The following CACNA1C variants were observed in gnomAD, a reference collection of about 807,000 sequenced individuals.
The protein encoded by CACNA1C is calcium voltage-gated channel subunit alpha1 C, also known as voltage-dependent L-type calcium channel subunit alpha-1C.
Under a neutral mutation model 229.0 loss-of-function variants are expected in CACNA1C, and 30 were observed. That is an observed-to-expected ratio of 0.13 (90% CI 0.10 to 0.18). The LOEUF is 0.18. CACNA1C is among the 10% of genes least tolerant of loss of function. CACNA1C has a pLI of 1.00. For synonymous variants in CACNA1C, 1,114 were observed against 1,132.5 expected, an observed-to-expected ratio of 0.98 and a Z score of 0.33; for missense variants, 1,658 against 2,845.0, an observed-to-expected ratio of 0.58 and a Z score of 9.49.
chr12:2,074,206 TC>T (rs2062362008), intron 1 of CACNA1C, among the ~76,000 whole-genome samples: 1 of 152,188 alleles, frequency 6.6e-6, no homozygotes, highest in Admixed American at 6.5e-5. Flanking sequence ...ATTATATTCT[TC>T]CCTTTTTATT....
At position 2,584,457 on chromosome 12, in the gene CACNA1C, A is replaced by G. The variant is rs368060177; in HGVS notation, c.2225-46A>G. On this transcript the variant is annotated intron_variant, in intron 15 of 46. Transcript: ENST00000399655. ...ATCCCCCGTGCCCCTGTGCCCACCAAAACCCCAAACCAAGGGTCATTTTCT... is the reference window on the plus strand; with the variant it reads ...ATCCCCCGTGCCCCTGTGCCCACCAGAACCCCAAACCAAGGGTCATTTTCT... The G allele has an allele frequency of 1.1e-4, 161 of 1,483,670 alleles. 1 individual carries two copies. The highest frequency in any genetic ancestry group is 8.6e-4 in the Middle Eastern group (5 of 5,802). 91.9% of individuals were successfully genotyped at this position (1,483,670 alleles called of 1,614,324 possible).
At chr12:2,327,306 C>T (rs2096355426) in intron 3 of CACNA1C, among the ~76,000 whole-genome samples, 1 of 152,256 alleles carries the variant, frequency 6.6e-6, no homozygotes, top group African/African-American at 2.4e-5. Context: ...TGTACGTATA[C>T]TTCCTTTGCA....
At chr12:2,352,849 T>A (rs2097246426) in intron 3 of CACNA1C, among the ~76,000 whole-genome samples, 1 of 152,140 alleles carries the variant, frequency 6.6e-6, no homozygotes, top group South Asian at 2.1e-4. Context: ...TGACCTCCAG[T>A]GTTGCCAATC....
chr12:2,003,555 T>C (rs1216699500), intron 1 of CACNA1C, among the ~76,000 whole-genome samples: 1 of 152,230 alleles, frequency 6.6e-6, no homozygotes, highest in African/African-American at 2.4e-5. Flanking sequence ...TCTAGGCTTC[T>C]ACCCCATTCT....
At position 2,493,229 on chromosome 12, in the gene CACNA1C, A is replaced by G; in HGVS notation, c.956A>G (p.Glu319Gly). The change falls in exon 7 of 47, where the codon GAA (glutamate) becomes GGA (glycine). Residue 319 changes from glutamate (E) to glycine (G), a missense_variant. Physicochemically the swap from Glu to Gly is moderately conservative, Grantham distance 98. Around this residue, in one of 20 missense-constraint regions of CACNA1C, gnomAD observed 84 missense variants for 202.6 expected, o/e 0.41. Transcript: ENST00000399655. This position sits in a 1 kb window ranked among gnomAD's most constrained non-coding sequence, Gnocchi z 4.6. The stretch of plus-strand genomic sequence containing the variant: ...GATGACCCTTCCCCTTGTGCGCTGG[A>G]AACGGGCCACGGGCGGCAGTGCCAG... ...AEDDPSPCALETGHGRQCQNG... is the reference protein window; with the variant it reads ...AEDDPSPCALGTGHGRQCQNG... 6.2e-7 allele frequency: 1 copy of G among 1,614,010 alleles called. No homozygotes were observed. Among genetic ancestry groups the G allele is most frequent in the Non-Finnish European group, 8.5e-7 (1 of 1,179,890 alleles).
chr12:2,005,651 G>T (rs148199122), intron 1 of CACNA1C, among the ~76,000 whole-genome samples: 1 of 152,068 alleles, frequency 6.6e-6, no homozygotes, highest in African/African-American at 2.4e-5. Flanking sequence ...ATTAATGAGC[G>T]CAATTTTAAC....
At chr12:2,116,227 CT>C (rs1396146767) in intron 2 of CACNA1C, among the ~76,000 whole-genome samples, 3 of 152,210 alleles carry the variant, frequency 2.0e-5, no homozygotes, top group Non-Finnish European at 4.4e-5. Flanking sequence ...GTTGAGAACA[CT>C]GTCTGGAAGT....
At chr12:2,480,770 G>A (rs779833712) in intron 5 of CACNA1C, among the ~76,000 whole-genome samples, 11 of 152,240 alleles carry the variant, frequency 7.2e-5, no homozygotes, top group African/African-American at 1.4e-4. Flanking sequence ...CTCCTTGATC[G>A]TTTTCATACT....
At chr12:2,333,751 C>G (rs914353601) in intron 3 of CACNA1C, among the ~76,000 whole-genome samples, 7 of 152,220 alleles carry the variant, frequency 4.6e-5, no homozygotes, top group Non-Finnish European at 8.8e-5. Flanking sequence ...ACACCATTCA[C>G]TGTCTCCCCA....
intron 3 of CACNA1C, among the ~76,000 whole-genome samples, chr12:2,312,168 G>A (rs2154485937): frequency 6.6e-6 from 1 of 152,298 alleles, no homozygotes; most frequent in East Asian, 1.9e-4. Flanking sequence ...CTCCGAGTTT[G>A]TTAGAGGGGT....
At chr12:2,009,798 G>T (rs1013678895) in intron 1 of CACNA1C, among the ~76,000 whole-genome samples, 6 of 152,122 alleles carry the variant, frequency 3.9e-5, no homozygotes, top group African/African-American at 1.4e-4. Context: ...AGTAGGAAGG[G>T]CACCCCCTCC....
rs182088029 is a variant in CACNA1C, at chr12:2,693,929, A to T, written c.*2730A>T. On this transcript the variant is annotated 3_prime_UTR_variant, in exon 47 of 47. Coordinates refer to ENST00000399655, the MANE Select transcript of CACNA1C (RefSeq NM_000719.7). ...TCCTCTATGACAGCTTGCTGGACTG[A>T]TTCATGACAAAGTGGAGAAATGTAC... 3.9e-5 allele frequency: 6 copies of T among 152,342 alleles called. No individual in the cohort carries two copies. The East Asian group carries it at 1.2e-3, about 29-fold the overall frequency. The allele number at this position is 152,342 out of a possible 1,614,324, so 9.4% of individuals were successfully genotyped here. A position where few individuals can be genotyped will look rare whatever the true frequency, so the allele number is the denominator to read the frequency against.
intron 3 of CACNA1C, among the ~76,000 whole-genome samples, chr12:2,149,258 C>T (rs2095005183): frequency 6.6e-6 from 1 of 152,188 alleles, no homozygotes; most frequent in Admixed American, 6.5e-5. Context: ...GATGAGTGCA[C>T]ATGTTCAGAC....
chr12:2,686,584 C>A (rs376528564), intron 45 of CACNA1C, among the ~76,000 whole-genome samples: 30 of 152,218 alleles, frequency 2.0e-4, no homozygotes, highest in East Asian at 7.7e-4. Flanking sequence ...GCCACTGACG[C>A]CTCTGACACT....
At chr12:2,398,707 G>A (rs554396180) in intron 3 of CACNA1C, among the ~76,000 whole-genome samples, 3 of 152,308 alleles carry the variant, frequency 2.0e-5, no homozygotes, top group East Asian at 1.9e-4. Flanking sequence ...AGAGGGGAGC[G>A]TGGGTCCAGG....
chr12:2,458,058 T>G (rs1263112441), intron 5 of CACNA1C, among the ~76,000 whole-genome samples: 3 of 152,180 alleles, frequency 2.0e-5, no homozygotes, highest in Non-Finnish European at 2.9e-5. Context: ...TCTCCGAGGC[T>G]CCAGAGCACT....
At chr12:2,423,167 C>T (rs1752477420) in intron 3 of CACNA1C, among the ~76,000 whole-genome samples, 1 of 151,810 alleles carries the variant, frequency 6.6e-6, no homozygotes, top group Admixed American at 6.6e-5. Context: ...TGTGAGAGGG[C>T]CCTCTCTGCT....
rs554874300 is a variant in CACNA1C, at chr12:2,653,583, C to T, written c.4075-252C>T. ...GTTTTGCTCGTTCTTGATTGTTTTG[C>T]CCAGGTAGTGTCGCACTATATCGTT... On this transcript the variant is annotated intron_variant, in intron 32 of 46. Transcript: ENST00000399655. This position sits in a 1 kb window ranked among gnomAD's most constrained non-coding sequence, Gnocchi z 4.7. Among the ~76,000 whole-genome samples, 1 of 152,144 alleles carries T rather than the reference C, an allele frequency of 6.6e-6. No homozygotes were observed. Among genetic ancestry groups the T allele is most frequent in the African/African-American group, 2.4e-5 (1 of 41,436 alleles).
chr12:2,451,629 G>T lies in CACNA1C; in HGVS notation c.617+2514G>T, dbSNP rs1268995504. ...GTTGACAGGGAGGCAGTGCAGTGGT[G>T]CATCTCTGGCCCACACCTGGTGCCT... On this transcript the variant is annotated intron_variant, in intron 4 of 46. Coordinates refer to ENST00000399655, the MANE Select transcript of CACNA1C (RefSeq NM_000719.7). 3.9e-5 allele frequency among the ~76,000 whole-genome samples: 6 copies of T among 152,190 alleles called. No homozygotes were observed. The East Asian group carries it at 1.2e-3, about 29-fold the overall frequency.
Sources: gnomAD v4.1 joint callset for allele counts (sites outside exome capture counted in the v4.1 genomes callset) on GRCh38, gnomAD v4.1.1 for gene constraint, gnomAD v4.1.1 regional missense constraint, Gnocchi (gnomAD v3.1) non-coding constraint, MANE v1.5 for transcripts, NCBI Gene and HGNC (gene_info 2026-07-23, HGNC 2026-07-21) for gene names.